The following TRIM2 variants were observed in gnomAD, a reference collection of about 807,000 sequenced individuals.
TRIM2 encodes tripartite motif containing 2, also known as tripartite motif-containing protein 2.
A neutral mutation model predicts 75.2 loss-of-function variants in TRIM2; 20 were observed. The ratio of observed to expected loss-of-function variants is 0.27; its 90% CI spans 0.19 to 0.39. The LOEUF (loss-of-function observed/expected upper bound fraction) is 0.39. TRIM2 is among the 10% of genes least tolerant of loss of function. The probability of loss-of-function intolerance (pLI) is 1.00; values close to 1 mark genes in which losing one functional copy is unlikely to be tolerated. For missense variants in TRIM2, 660 were observed against 990.8 expected (o/e 0.67, Z 4.48); for synonymous variants, 373 against 388.3 (o/e 0.96, Z 0.46).
intron 1 of TRIM2, among the ~76,000 whole-genome samples, chr4:153,233,306 A>AAAGG (rs1426743640): frequency 1.3e-5 from 2 of 152,184 alleles, no homozygotes; most frequent in Non-Finnish European, 2.9e-5. Flanking sequence ...AGTGCCAAAG[A>AAAGG]AAGGAAGGAA....
intron 10 of TRIM2, 28 bp downstream of exon 10, chr4:153,324,176 AC>A: frequency 6.3e-7 from 1 of 1,585,288 alleles, no homozygotes; most frequent in Non-Finnish European, 8.6e-7. Flanking sequence ...GTTGTTGTTA[AC>A]TTTTAACTGC....
chr4:153,167,900 T>A (rs758350151), intron 1 of TRIM2, among the ~76,000 whole-genome samples: 4 of 152,226 alleles, frequency 2.6e-5, no homozygotes, highest in Non-Finnish European at 5.9e-5. Flanking sequence ...GAATTTCTCT[T>A]CTGCAGACTT....
intron 3 of TRIM2, among the ~76,000 whole-genome samples, chr4:153,280,425 G>GC (rs1182653694): frequency 7.7e-5 from 10 of 129,996 alleles, no homozygotes; most frequent in African/African-American, 3.1e-4. Flanking sequence ...TGTCACCAAG[G>GC]CTAGAGTGCA....
At chr4:153,175,255 C>T (rs902639367) in intron 1 of TRIM2, among the ~76,000 whole-genome samples, 1 of 152,062 alleles carries the variant, frequency 6.6e-6, no homozygotes, top group Non-Finnish European at 1.5e-5. Context: ...CTGCTGACCT[C>T]GTGATCCACC....
chr4:153,191,006 G>A (rs973646329), intron 1 of TRIM2, among the ~76,000 whole-genome samples: 7 of 152,116 alleles, frequency 4.6e-5, no homozygotes, highest in Non-Finnish European at 8.8e-5. Context: ...AAAGTGCTGG[G>A]ATTACAGGCG....
chr4:153,310,328 A>G (rs1435625123), intron 6 of TRIM2: 1 of 152,204 alleles, frequency 6.6e-6, no homozygotes, highest in African/African-American at 2.4e-5. Flanking sequence ...TTTTTATTAT[A>G]TATTTAGAAT....
chr4:153,196,137 G>A (rs1733737976), intron 1 of TRIM2, among the ~76,000 whole-genome samples: 2 of 152,002 alleles, frequency 1.3e-5, no homozygotes, highest in African/African-American at 4.8e-5. Flanking sequence ...AGAAGTTAAT[G>A]AACATTGGCC....
intron 11 of TRIM2, among the ~76,000 whole-genome samples, chr4:153,330,012 A>T (rs1771113121): frequency 2.0e-5 from 3 of 152,320 alleles, no homozygotes; most frequent in Admixed American, 2.0e-4. Flanking sequence ...TGTTCTGTAG[A>T]CATCAAAAGG....
intron 8 of TRIM2, among the ~76,000 whole-genome samples, chr4:153,320,923 C>T (rs985327972): frequency 3.9e-5 from 6 of 152,282 alleles, no homozygotes; most frequent in African/African-American, 1.2e-4. Context: ...TGAGCCACCG[C>T]GCCCGGCGAA....
chr4:153,233,222 A>G (rs1444314255), intron 1 of TRIM2, among the ~76,000 whole-genome samples: 1 of 152,204 alleles, frequency 6.6e-6, no homozygotes, highest in Non-Finnish European at 1.5e-5. Flanking sequence ...AGTTTCCAGT[A>G]GAAGGTGGGA....
intron 1 of TRIM2, among the ~76,000 whole-genome samples, chr4:153,153,524 G>A (rs1728927899): frequency 6.6e-6 from 1 of 152,210 alleles, no homozygotes; most frequent in Non-Finnish European, 1.5e-5. Flanking sequence ...ACCGCCCTAT[G>A]CTTTGGGGAT....
intron 2 of TRIM2, among the ~76,000 whole-genome samples, chr4:153,273,573 G>T (rs1008918912): frequency 7.9e-5 from 12 of 151,122 alleles, no homozygotes; most frequent in African/African-American, 2.9e-4. Context: ...CATTACAGGC[G>T]TGAGCCACCA....
At chr4:153,243,805 T>C (rs1042829208) in intron 1 of TRIM2, among the ~76,000 whole-genome samples, 23 of 106,046 alleles carry the variant, frequency 2.2e-4, no homozygotes, top group South Asian at 3.8e-4. Context: ...CTCCTCCCCC[T>C]CCTTTTTTTT....
intron 6 of TRIM2, chr4:153,309,685 A>T (rs1765832254): frequency 2.0e-5 from 3 of 146,424 alleles, no homozygotes; most frequent in African/African-American, 7.7e-5. Context: ...GTACAGTGGC[A>T]TGATCTCAGC....
intron 11 of TRIM2, among the ~76,000 whole-genome samples, chr4:153,330,852 C>G (rs534780032): frequency 2.6e-5 from 4 of 152,196 alleles, no homozygotes; most frequent in African/African-American, 7.2e-5. Flanking sequence ...GAAGTTCTAG[C>G]CAGCACAAAA....
chr4:153,288,311 C>A (rs1444452659), intron 3 of TRIM2, among the ~76,000 whole-genome samples: 1 of 152,034 alleles, frequency 6.6e-6, no homozygotes, highest in Non-Finnish European at 1.5e-5. Context: ...GTGGCGCGCA[C>A]CTGTAATCCC....
intron 3 of TRIM2, among the ~76,000 whole-genome samples, chr4:153,278,636 C>G (rs1211829169): frequency 6.6e-6 from 1 of 151,768 alleles, no homozygotes; most frequent in Non-Finnish European, 1.5e-5. Context: ...CCACCTCTAC[C>G]AAAAATACAA....
intron 1 of TRIM2, among the ~76,000 whole-genome samples, chr4:153,164,554 A>G (rs1336166723): frequency 6.6e-6 from 1 of 152,098 alleles, no homozygotes; most frequent in East Asian, 1.9e-4. Context: ...ACATTCAAGA[A>G]AAAAAAAGAT....
At chr4:153,165,250 T>C (rs924857528) in intron 1 of TRIM2, among the ~76,000 whole-genome samples, 1 of 152,210 alleles carries the variant, frequency 6.6e-6, no homozygotes, top group African/African-American at 2.4e-5. Context: ...TTAATTCTGT[T>C]TTTCTGAAAT....
Sources: gnomAD v4.1 joint callset for allele counts (sites outside exome capture counted in the v4.1 genomes callset) on GRCh38, gnomAD v4.1.1 for gene constraint, MANE v1.5 for transcripts, NCBI Gene and HGNC (gene_info 2026-07-23, HGNC 2026-07-21) for gene names.